BCO2: variants seen among roughly 807,000 people sequenced by gnomAD.
The protein encoded by BCO2 is carotenoid-cleaving dioxygenase, mitochondrial.
BCO2 carries 56 observed loss-of-function variants against 65.8 expected under a neutral mutation model. That is an observed-to-expected ratio of 0.85 (90% CI 0.69 to 1.06). The LOEUF (loss-of-function observed/expected upper bound fraction) is 1.06. BCO2 is among the 50% of genes least tolerant of loss of function. The pLI, the probability that BCO2 is intolerant of heterozygous loss-of-function variation, is 0.00. For missense variants in BCO2, 675 were observed against 698.5 expected (o/e 0.97, Z 0.38); for synonymous variants, 233 against 242.3 (o/e 0.96, Z 0.36).
At chr11:112,197,845 T>C (rs1592851374) in intron 5 of BCO2, among the ~76,000 whole-genome samples, 1 of 152,232 alleles carries the variant, frequency 6.6e-6, no homozygotes, top group East Asian at 1.9e-4. Context: ...ACTGGCCTCC[T>C]AGCTGATACT....
chr11:112,182,832 C>A, intron 2 of BCO2: 1 of 557,266 alleles, frequency 1.8e-6, no homozygotes, highest in Non-Finnish European at 2.9e-6. Context: ...TGCACATGTA[C>A]CCTAGAACTT....
chr11:112,212,506 C>G (rs59316360), intron 8 of BCO2, among the ~76,000 whole-genome samples: 2 of 152,162 alleles, frequency 1.3e-5, no homozygotes, highest in Non-Finnish European at 2.9e-5. Flanking sequence ...TATAGTCATA[C>G]TCATGACTCA....
intron 1 of BCO2, chr11:112,175,982 T>C: frequency 3.6e-6 from 1 of 279,816 alleles, no homozygotes; most frequent in Non-Finnish European, 6.8e-6. Context: ...TATTCAATAT[T>C]TAGGCTTTTC....
intron 2 of BCO2, among the ~76,000 whole-genome samples, chr11:112,182,162 C>T (rs1867069601): frequency 1.3e-5 from 2 of 152,170 alleles, no homozygotes; most frequent in Non-Finnish European, 2.9e-5. Flanking sequence ...TACCATCTCA[C>T]ACCAGTTAGA....
At chr11:112,192,925 GTTTT>G (rs71060229) in intron 2 of BCO2, among the ~76,000 whole-genome samples, 2 of 36,658 alleles carry the variant, frequency 5.5e-5, no homozygotes, top group Non-Finnish European at 9.3e-5. Context: ...AAAATGTGAG[GTTTT>G]TTTTTTTTTT....
Position 112,179,408 on chromosome 11 carries a change from G to A in BCO2, c.219G>A (p.Trp73Ter), listed in dbSNP as rs377379758. Residue 73 changes from tryptophan to a stop codon, truncating the protein, a stop_gained, in exon 2 of 12, where the codon TGG becomes TGA. Coordinates refer to ENST00000357685, the MANE Select transcript of BCO2 (RefSeq NM_031938.7). LOFTEE classifies it high-confidence loss of function. ...EAPRGISARV[W>*]GHFPKWLNGS... ...CACGGGGCATCTCTGCTCGAGTCTGGGGACATTTTCCTAAGTGGCTCAATG... is the reference window on the plus strand; with the variant it reads ...CACGGGGCATCTCTGCTCGAGTCTGAGGACATTTTCCTAAGTGGCTCAATG... 73 of 1,614,004 alleles carry A rather than the reference G, an allele frequency of 4.5e-5. No homozygotes were observed. The highest frequency in any genetic ancestry group is 5.8e-5 in the Non-Finnish European group (68 of 1,180,044).
At chr11:112,188,757 C>T (rs1420523558) in intron 2 of BCO2, among the ~76,000 whole-genome samples, 1 of 147,418 alleles carries the variant, frequency 6.8e-6, no homozygotes, top group East Asian at 2.0e-4. Flanking sequence ...GCATAAATAG[C>T]TTTTTTTTTT....
At chr11:112,179,876 C>T (rs1263687461) in intron 2 of BCO2, 1 of 210,872 alleles carries the variant, frequency 4.7e-6, no homozygotes, top group Non-Finnish European at 9.8e-6. Flanking sequence ...GTTGTATCTT[C>T]TCAGCATCTT....
chr11:112,199,570 C>A, intron 5 of BCO2, 129 bp from the exon 6 acceptor site: 1 of 737,178 alleles, frequency 1.4e-6, no homozygotes, highest in Non-Finnish European at 2.2e-6. Flanking sequence ...AATAACCCTT[C>A]AGGAAATAAG....
At chr11:112,211,501 A>G (rs1001286715) in intron 8 of BCO2, among the ~76,000 whole-genome samples, 1 of 152,044 alleles carries the variant, frequency 6.6e-6, no homozygotes, top group Non-Finnish European at 1.5e-5. Flanking sequence ...GAATTGCTAG[A>G]TCATGTAATT....
intron 10 of BCO2, chr11:112,215,737 C>CAAAAAAAAAACA: frequency 6.8e-6 from 1 of 146,466 alleles, no homozygotes; most frequent in South Asian, 2.1e-4. Context: ...AACAAAAAAA[C>CAAAAAAAAAACA]AAAAAAAAAC....
At chr11:112,208,998 A>T (rs151260155) in intron 8 of BCO2, 3 of 156,418 alleles carry the variant, frequency 1.9e-5, no homozygotes, top group African/African-American at 7.2e-5. Flanking sequence ...TTTACTTTTA[A>T]AGAAAAATCA....
intron 11 of BCO2, among the ~76,000 whole-genome samples, chr11:112,216,667 G>A (rs17569036): frequency 0.026 from 3,989 of 152,290 alleles, 72 homozygotes; most frequent in Middle Eastern, 0.065. Flanking sequence ...CAGATCTCCT[G>A]GTGGTAAAGC....
rs748899293 is a variant in BCO2, at chr11:112,175,643, T to C, written c.42T>C (p.Ser14=). 5 of 1,614,166 alleles carry C rather than the reference T, an allele frequency of 3.1e-6. No homozygotes were observed. The highest frequency in any genetic ancestry group is 3.4e-6 in the Non-Finnish European group (4 of 1,179,980). Residue 14 remains serine (S), a synonymous_variant, in exon 1 of 12, where the codon TCT becomes TCC. Transcript: ENST00000357685. ...RVFLHFIRSH[S]ATAVDFLPVM... ...TTCTCCATTTTATCAGGAGTCATTC[T>C]GCCACTGCAGTGGATTTCCTTCCTG...
At chr11:112,177,751 T>C (rs2135342327) in intron 1 of BCO2, among the ~76,000 whole-genome samples, 1 of 152,242 alleles carries the variant, frequency 6.6e-6, no homozygotes, top group African/African-American at 2.4e-5. Flanking sequence ...GATAAGTGCC[T>C]TTCTCAAGCC....
chr11:112,182,265 A>G (rs1377968974), intron 2 of BCO2, among the ~76,000 whole-genome samples: 1 of 152,200 alleles, frequency 6.6e-6, no homozygotes, highest in Non-Finnish European at 1.5e-5. Flanking sequence ...ACTGTAAACT[A>G]GTTCAACCAT....
At chr11:112,214,087 A>T (rs1163763372) in intron 9 of BCO2, among the ~76,000 whole-genome samples, 4 of 152,112 alleles carry the variant, frequency 2.6e-5, no homozygotes, top group Non-Finnish European at 2.9e-5. Flanking sequence ...GAACTGTCTA[A>T]TGGTTGTGGA....
At chr11:112,183,231 T>C (rs1867105390) in intron 2 of BCO2, 1 of 771,160 alleles carries the variant, frequency 1.3e-6, no homozygotes, top group Non-Finnish European at 2.4e-6. Flanking sequence ...AAGATGAAAA[T>C]ATTTTCCTTA....
chr11:112,182,455 T>C (rs1867078494), intron 2 of BCO2, among the ~76,000 whole-genome samples: 1 of 152,224 alleles, frequency 6.6e-6, no homozygotes, highest in Non-Finnish European at 1.5e-5. Flanking sequence ...CCAACCCAAA[T>C]GTCCATCAAT....
Sources: allele counts gnomAD v4.1 joint callset (sites outside exome capture counted in the v4.1 genomes callset), GRCh38; gene constraint gnomAD v4.1.1; transcripts MANE v1.5; gene names NCBI Gene and HGNC (gene_info 2026-07-23, HGNC 2026-07-21).